Variants in IPO11 observed in about 807,000 individuals in gnomAD.
IPO11 encodes the protein importin 11, also known as importin-11.
A neutral mutation model predicts 143.2 loss-of-function variants in IPO11; 66 were observed. The ratio of observed to expected loss-of-function variants is 0.46; its 90% confidence interval spans 0.38 to 0.57. The LOEUF (loss-of-function observed/expected upper bound fraction) is 0.57, where lower values mean the gene tolerates loss of function less well. IPO11 is among the 20% of genes least tolerant of loss of function. The probability of loss-of-function intolerance (pLI) is 0.00; values close to 1 mark genes in which losing one functional copy is unlikely to be tolerated. For synonymous variants in IPO11, 385 were observed against 377.8 expected (o/e 1.02, Z -0.22); for missense variants, 1,026 against 1,141.0 (o/e 0.90, Z 1.45).
chr5:62,439,330 A>G (rs1375950278), intron 2 of IPO11, among the ~76,000 whole-genome samples: 1 of 128,626 alleles, frequency 7.8e-6, no homozygotes, highest in Non-Finnish European at 1.5e-5. Flanking sequence ...TCTGTCGCAC[A>G]GGCTGGAGTG....
chr5:62,566,619 T>C (rs1743947856), intron 27 of IPO11, among the ~76,000 whole-genome samples: 1 of 151,362 alleles, frequency 6.6e-6, no homozygotes, highest in Non-Finnish European at 1.5e-5. Context: ...ATGCCTATAA[T>C]CCTAGCTACT....
At position 62,467,244 on chromosome 5, in the gene IPO11, A is replaced by G; in HGVS notation, c.630A>G (p.Arg210=). ...CTGCAATTTTGAGTTCACTAGAACGAACACTGCTATCATTGAAAGGTACTA... is the reference window on the plus strand; with the variant it reads ...CTGCAATTTTGAGTTCACTAGAACGGACACTGCTATCATTGAAAGGTACTA... ...NEAAILSSLE[R]TLLSLKVLRK... is the part of the protein sequence containing the mutation. The change falls in exon 6 of 30, where the codon CGA becomes CGG. Residue 210 remains arginine, a synonymous_variant. Transcript: ENST00000325324. 1 of 1,613,794 alleles carries G rather than the reference A, an allele frequency of 6.2e-7. No individual in the cohort carries two copies. The highest frequency in any genetic ancestry group is 1.1e-5 in the South Asian group (1 of 90,990).
At chr5:62,600,878 A>G (rs758494338) in intron 28 of IPO11, among the ~76,000 whole-genome samples, 3 of 152,182 alleles carry the variant, frequency 2.0e-5, no homozygotes, top group Non-Finnish European at 4.4e-5. Flanking sequence ...GGAAATAGAA[A>G]CGAAAGACAC....
At chr5:62,426,852 AAG>A (rs951057636) in intron 1 of IPO11, among the ~76,000 whole-genome samples, 9 of 149,226 alleles carry the variant, frequency 6.0e-5, no homozygotes, top group African/African-American at 2.2e-4. Flanking sequence ...AAAACAGACT[AAG>A]AGAGAATATT....
At chr5:62,621,935 CAA>C (rs1291140803) in intron 29 of IPO11, among the ~76,000 whole-genome samples, 4 of 151,886 alleles carry the variant, frequency 2.6e-5, no homozygotes, top group Non-Finnish European at 4.4e-5. Context: ...AAAACTCCCT[CAA>C]AATTGCCTCA....
intron 29 of IPO11, among the ~76,000 whole-genome samples, chr5:62,606,823 A>G (rs1262573089): frequency 6.6e-6 from 1 of 152,250 alleles, no homozygotes; most frequent in Non-Finnish European, 1.5e-5. Flanking sequence ...AAGTATGTGT[A>G]GACTGCAGCT....
intron 22 of IPO11, among the ~76,000 whole-genome samples, chr5:62,532,164 A>G (rs182588272): frequency 3.3e-5 from 5 of 152,258 alleles, no homozygotes; most frequent in Admixed American, 2.6e-4. Context: ...TTCCACCTCA[A>G]ATTCAGCATG....
At chr5:62,453,504 C>A (rs1262484563) in intron 5 of IPO11, among the ~76,000 whole-genome samples, 1 of 144,548 alleles carries the variant, frequency 6.9e-6, no homozygotes, top group Non-Finnish European at 1.5e-5. Context: ...TTTATGTTGC[C>A]TTTATTCTTT....
chr5:62,620,843 A>G (rs2112481133), intron 29 of IPO11, among the ~76,000 whole-genome samples: 1 of 152,332 alleles, frequency 6.6e-6, no homozygotes, highest in Admixed American at 6.5e-5. Flanking sequence ...GCAGTCTTTC[A>G]GGTTAAATTT....
intron 21 of IPO11, among the ~76,000 whole-genome samples, chr5:62,527,234 T>C (rs553638987): frequency 5.3e-5 from 8 of 152,354 alleles, no homozygotes; most frequent in East Asian, 1.9e-4. Flanking sequence ...CAAACACTTA[T>C]ATTTGTATAA....
At chr5:62,416,823 C>G (rs2112088410) in intron 1 of IPO11, among the ~76,000 whole-genome samples, 1 of 151,680 alleles carries the variant, frequency 6.6e-6, no homozygotes, top group South Asian at 2.1e-4. Context: ...CTCCCAGGCT[C>G]AAGCGATCCC....
chr5:62,435,124 ATG>A (rs1580173318), intron 1 of IPO11, among the ~76,000 whole-genome samples: 7 of 102,502 alleles, frequency 6.8e-5, no homozygotes, highest in African/African-American at 1.4e-4. Flanking sequence ...ATATGTATAT[ATG>A]TATATATATG....
At chr5:62,608,613 C>A (rs984853784) in intron 29 of IPO11, among the ~76,000 whole-genome samples, 2 of 152,138 alleles carry the variant, frequency 1.3e-5, no homozygotes, top group Non-Finnish European at 2.9e-5. Flanking sequence ...TGGAATAGCC[C>A]TTTTGTCCCT....
chr5:62,617,678 A>G (rs2112476180), intron 29 of IPO11, among the ~76,000 whole-genome samples: 1 of 152,172 alleles, frequency 6.6e-6, no homozygotes, highest in East Asian at 1.9e-4. Context: ...AGTTCGCCCC[A>G]TTGCTGGAAA....
At chr5:62,564,280 G>C (rs183432068) in intron 27 of IPO11, among the ~76,000 whole-genome samples, 168 of 152,130 alleles carry the variant, frequency 1.1e-3, no homozygotes, top group African/African-American at 3.7e-3. Context: ...GTAGTGGAAC[G>C]TGCTGATATT....
intron 1 of IPO11, 134 bp downstream of exon 1, chr5:62,413,063 C>T (rs966730984): frequency 2.6e-5 from 4 of 152,378 alleles, no homozygotes; most frequent in Non-Finnish European, 5.9e-5. Context: ...CAAGGGCGGC[C>T]TGCAGACTTG....
chr5:62,518,027 G>C (rs938568081), intron 20 of IPO11, among the ~76,000 whole-genome samples: 21 of 152,028 alleles, frequency 1.4e-4, no homozygotes, highest in South Asian at 6.2e-4. Flanking sequence ...TGGTTGGCCA[G>C]GCACTGTGGC....
intron 1 of IPO11, chr5:62,418,971 A>AGGCAATTTT (rs1484652873): frequency 1.3e-6 from 2 of 1,536,572 alleles, no homozygotes; most frequent in African/African-American, 1.4e-5. Flanking sequence ...ATGGGTCGTT[A>AGGCAATTTT]GGCAATTTTG....
intron 5 of IPO11, among the ~76,000 whole-genome samples, chr5:62,456,832 G>A (rs1382248871): frequency 2.6e-5 from 4 of 152,158 alleles, no homozygotes; most frequent in Non-Finnish European, 4.4e-5. Context: ...GGTGGCTCAC[G>A]CCTGTAATCC....
Sources: allele counts gnomAD v4.1 joint callset (sites outside exome capture counted in the v4.1 genomes callset), GRCh38; gene constraint gnomAD v4.1.1; transcripts MANE v1.5; gene names NCBI Gene and HGNC (gene_info 2026-07-23, HGNC 2026-07-21).